Variants in HBD observed in about 807,000 individuals in gnomAD.
HBD encodes hemoglobin subunit delta, also known as delta globin.
In HBD, 11 loss-of-function variants were observed where a neutral mutation model predicts 9.2. That is an observed-to-expected ratio of 1.20 (90% CI 0.76 to 1.99). HBD has a LOEUF of 1.99. Ranked by LOEUF, HBD falls within the 30% of genes most tolerant of loss-of-function variation. The probability of loss-of-function intolerance (pLI) is 0.00; values close to 1 mark genes in which losing one functional copy is unlikely to be tolerated. For synonymous variants in HBD, 83 were observed against 69.4 expected (o/e 1.20, Z -0.98); for missense variants, 189 against 174.3 (o/e 1.08, Z -0.47).
chr11:5,234,455 G>C lies in HBD; in HGVS notation c.-22C>G. 6.5e-7 allele frequency: 1 copy of C among 1,539,758 alleles called. No homozygotes were observed. Among genetic ancestry groups the C allele is most frequent in the Non-Finnish European group, 9.0e-7 (1 of 1,112,182 alleles). On this transcript the variant is annotated 5_prime_UTR_variant, in exon 1 of 3. Transcript: ENST00000650601. ...CCATGGTGTCTGTTTGAGGTTGCTA[G>C]TGAACACTGTTATGTCAGAAGAAAG...
In HBD at chr11:5,232,967, A is replaced by C; in HGVS notation, c.441T>G (p.His147Gln). The C allele has an allele frequency of 1.2e-6, 2 of 1,613,956 alleles. No homozygotes were observed. The highest frequency in any genetic ancestry group is 2.2e-5 in the South Asian group (2 of 91,080). Reference sequence around the variant, plus strand: ...TATCAGGAAACAGTCCAGGATCTCAATGGTACTTGTGAGCCAGGGCATTAG... The same window carrying C: ...TATCAGGAAACAGTCCAGGATCTCACTGGTACTTGTGAGCCAGGGCATTAG... ...GVANALAHKY[H>Q] Residue 147 changes from histidine to glutamine, a missense_variant, in exon 3 of 3, where the codon CAT becomes CAG. Transcript: ENST00000650601.
rs35848600 is a variant in HBD at position 5,232,980 on chromosome 11, G to T, written c.428C>A (p.Ala143Asp). The stretch of plus-strand genomic sequence containing the variant: ...TCCAGGATCTCAATGGTACTTGTGA[G>T]CCAGGGCATTAGCCACACCAGCCAC... ...KVVAGVANAL[A>D]HKYH The change falls in exon 3 of 3, where the codon GCT becomes GAT. Residue 143 changes from alanine (A) to aspartate (D), a missense_variant. By Grantham distance (126) the Ala-to-Asp change is moderately radical. Transcript: ENST00000650601. 9.3e-6 allele frequency: 15 copies of T among 1,613,940 alleles called. No homozygotes were observed. Among genetic ancestry groups the T allele is most frequent in the African/African-American group, 1.3e-5 (1 of 74,906 alleles).
In HBD at chr11:5,233,045, C is replaced by T. The variant is rs148878316; in HGVS notation, c.363G>A (p.Lys121=). The change falls in exon 3 of 3, where the codon AAG becomes AAA. Residue 121 remains lysine, a synonymous_variant. Coordinates refer to ENST00000650601, the MANE Select transcript of HBD (RefSeq NM_000519.4). ...CAGCCTGCATTTGTGGGGTGAATTC[C>T]TTGCCAAAGTTGCGGGCCAGCACAC... ...LVCVLARNFG[K]EFTPQMQAAY... is the part of the protein sequence containing the mutation. 8.3e-5 allele frequency: 134 copies of T among 1,614,030 alleles called. No homozygotes were observed. The African/African-American group carries it at 1.4e-3, about 17-fold the overall frequency.
intron 2 of HBD, 39 bp downstream of exon 2, chr11:5,233,952 A>G (rs778826800): frequency 1.3e-6 from 2 of 1,579,812 alleles, no homozygotes; most frequent in Non-Finnish European, 1.7e-6. Context: ...GTAAGATTAG[A>G]AAGTAAAAAG....
intron 2 of HBD, among the ~76,000 whole-genome samples, 190 bp downstream of exon 2, chr11:5,233,801 T>A (rs1847700159): frequency 6.6e-6 from 1 of 151,886 alleles, no homozygotes; most frequent in Non-Finnish European, 1.5e-5. Flanking sequence ...TTAAATAATT[T>A]AAAATAGCAA....
chr11:5,234,004 G>A lies in HBD; in HGVS notation c.302C>T (p.Pro101Leu). ...ELHCDKLHVD[P>L]ENFRLLGNVL... is the part of the protein sequence containing the mutation. ...TCCTGGACTCACCCTGAAGTTCTCA[G>A]GATCCACGTGCAGCTTGTCACAGTG... is the stretch of plus-strand genomic sequence containing the variant. Residue 101 changes from proline (P) to leucine (L), a missense_variant, in exon 2 of 3, where the codon CCT becomes CTT. Physicochemically the swap from Pro to Leu is moderately conservative, Grantham distance 98 (BLOSUM62 -3). Transcript: ENST00000650601. 6.2e-7 allele frequency: 1 copy of A among 1,613,992 alleles called. No individual in the cohort carries two copies. The highest frequency in any genetic ancestry group is 8.5e-7 in the Non-Finnish European group (1 of 1,179,922).
rs1589896792 is a variant in HBD at position 5,232,852 on chromosome 11, C to A, written c.*112G>T. 1.2e-6 allele frequency: 2 copies of A among 1,613,348 alleles called. No individual in the cohort carries two copies. Among genetic ancestry groups the A allele is most frequent in the Admixed American group, 3.3e-5 (2 of 59,872 alleles). On this transcript the variant is annotated 3_prime_UTR_variant, in exon 3 of 3. Coordinates refer to ENST00000650601, the MANE Select transcript of HBD (RefSeq NM_000519.4). ...TAATCAGGAAGTTGAGCTGAACATTCTTTATTAGGCAGAAGCCATACCCTT... is the reference window on the plus strand; with the variant it reads ...TAATCAGGAAGTTGAGCTGAACATTATTTATTAGGCAGAAGCCATACCCTT...
Position 5,234,214 on chromosome 11 carries a change from C to G in HBD, c.93-1G>C, listed in dbSNP as rs35408031. 1.8e-5 allele frequency: 29 copies of G among 1,613,612 alleles called. No homozygotes were observed. Among genetic ancestry groups the G allele is most frequent in the Middle Eastern group, 1.6e-4 (1 of 6,084 alleles). On this transcript the variant is annotated splice_acceptor_variant, in intron 1 of 2. Coordinates refer to ENST00000650601, the MANE Select transcript of HBD (RefSeq NM_000519.4). LOFTEE classifies it high-confidence loss of function. ...GGTCCAAGGGTAGACCACCAGTAAT[C>G]TGAGGGTAGGAAAACAGCCCAAGGG... is the stretch of plus-strand genomic sequence containing the variant.
intron 2 of HBD, among the ~76,000 whole-genome samples, 166 bp downstream of exon 2, chr11:5,233,825 G>GA (rs1228966915): frequency 6.6e-6 from 1 of 151,504 alleles, no homozygotes; most frequent in African/African-American, 2.4e-5. Context: ...TGTGAGGAAG[G>GA]AAAAAATGCA....
At position 5,234,144 on chromosome 11, in the gene HBD, A is replaced by G; in HGVS notation, c.162T>C (p.Ala54=). The change falls in exon 2 of 3, where the codon GCT becomes GCC. Residue 54 remains alanine (A), a synonymous_variant. Transcript: ENST00000650601. ...CCTTCACCTTAGGGTTGCCCATAAC[A>G]GCATCAGGAGAGGACAGATCCCCAA... ...ESFGDLSSPD[A]VMGNPKVKAH... 1.2e-6 allele frequency: 2 copies of G among 1,614,132 alleles called. No homozygotes were observed. Among genetic ancestry groups the G allele is most frequent in the Non-Finnish European group, 8.5e-7 (1 of 1,180,004 alleles).
chr11:5,233,665 C>T (rs1250751561), intron 2 of HBD, among the ~76,000 whole-genome samples: 1 of 152,016 alleles, frequency 6.6e-6, no homozygotes, highest in African/African-American at 2.4e-5. Flanking sequence ...TCTCCCATAC[C>T]CATGTGGAGA....
chr11:5,233,731 T>C (rs1253743015), intron 2 of HBD, among the ~76,000 whole-genome samples: 1 of 151,976 alleles, frequency 6.6e-6, no homozygotes, highest in Non-Finnish European at 1.5e-5. Flanking sequence ...TATGCATAAT[T>C]TGAGTTGTTG....
rs768455511 is a variant in HBD at position 5,232,952 on chromosome 11, C to A, written c.*12G>T. 6.2e-7 allele frequency: 1 copy of A among 1,613,924 alleles called. No individual in the cohort carries two copies. The highest frequency in any genetic ancestry group is 2.2e-5 in the East Asian group (1 of 44,904). ...GGGTCTTCTTATGGTTATCAGGAAA[C>A]AGTCCAGGATCTCAATGGTACTTGT... On this transcript the variant is annotated 3_prime_UTR_variant, in exon 3 of 3. Coordinates refer to ENST00000650601, the MANE Select transcript of HBD (RefSeq NM_000519.4).
At chr11:5,233,312 CTATA>C (rs1162120750) in intron 2 of HBD, among the ~76,000 whole-genome samples, 2 of 151,938 alleles carry the variant, frequency 1.3e-5, no homozygotes, top group African/African-American at 4.8e-5. Context: ...AGCATGTAGT[CTATA>C]TATGTACATA....
intron 2 of HBD, 74 bp from the exon 3 acceptor site, chr11:5,233,166 C>T: frequency 6.5e-7 from 1 of 1,541,444 alleles, no homozygotes. Context: ...AGAAACTGAG[C>T]CAACACCCAT....
intron 2 of HBD, among the ~76,000 whole-genome samples, chr11:5,233,610 G>C (rs1233824652): frequency 2.0e-5 from 3 of 152,058 alleles, no homozygotes; most frequent in Non-Finnish European, 4.4e-5. Context: ...ATGATTTATA[G>C]CCTCTAAAAC....
In HBD at chr11:5,234,104, CCTT is replaced by C. The variant is rs1200337510; in HGVS notation, c.199_201del (p.Lys67del). On this transcript the variant is annotated inframe_deletion, in exon 2 of 3. Transcript: ENST00000650601. The stretch of plus-strand genomic sequence containing the variant: ...AGGCCATCACTAAAGGCACCTAGCA[CCTT>C]CTTGCCATGAGCCTTCACCTTAGGG... The C allele has an allele frequency of 1.9e-6, 3 of 1,613,952 alleles. No individual in the cohort carries two copies. Among genetic ancestry groups the C allele is most frequent in the Non-Finnish European group, 2.5e-6 (3 of 1,179,998 alleles).
rs539587172 is a variant in HBD, at chr11:5,234,229, C to G, written c.93-16G>C. 106 of 1,610,852 alleles carry G rather than the reference C, an allele frequency of 6.6e-5. 1 individual carries two copies. The South Asian group carries it at 1.0e-3, about 16-fold the overall frequency. Reference sequence around the variant, plus strand: ...CACCAGTAATCTGAGGGTAGGAAAACAGCCCAAGGGACAGAGAGTCAGTGC... The same window carrying G: ...CACCAGTAATCTGAGGGTAGGAAAAGAGCCCAAGGGACAGAGAGTCAGTGC... On this transcript the variant is annotated splice_polypyrimidine_tract_variant and intron_variant, in intron 1 of 2. Coordinates refer to ENST00000650601, the MANE Select transcript of HBD (RefSeq NM_000519.4).
Position 5,233,063 on chromosome 11 carries a change from C to T in HBD, c.345G>A (p.Leu115=), listed in dbSNP as rs1355884591. 6.2e-7 allele frequency: 1 copy of T among 1,614,016 alleles called. No individual in the cohort carries two copies. Among genetic ancestry groups the T allele is most frequent in the Non-Finnish European group, 8.5e-7 (1 of 1,179,952 alleles). ...RLLGNVLVCV[L]ARNFGKEFTP... is the part of the protein sequence containing the mutation. The stretch of plus-strand genomic sequence containing the variant: ...TGAATTCCTTGCCAAAGTTGCGGGC[C>T]AGCACACACACCAGCACATTGCCCA... Residue 115 remains leucine, a synonymous_variant, in exon 3 of 3, where the codon CTG becomes CTA. Transcript: ENST00000650601.
Sources: gnomAD v4.1 joint callset for allele counts (sites outside exome capture counted in the v4.1 genomes callset) on GRCh38, gnomAD v4.1.1 for gene constraint, MANE v1.5 for transcripts, NCBI Gene and HGNC (gene_info 2026-07-23, HGNC 2026-07-21) for gene names.